RGS22: variants seen among roughly 807,000 people sequenced by gnomAD.
RGS22 encodes regulator of G-protein signaling 22.
Under a neutral mutation model 172.9 loss-of-function variants are expected in RGS22, and 148 were observed. The ratio of observed to expected loss-of-function variants is 0.86; its 90% CI spans 0.75 to 0.98. The LOEUF (loss-of-function observed/expected upper bound fraction) is 0.98. Ranked by LOEUF, RGS22 falls within the 50% of genes least tolerant of loss-of-function variation. The pLI is 0.00. For missense variants in RGS22, 1,347 were observed against 1,440.8 expected (o/e 0.93, Z 1.05); for synonymous variants, 458 against 480.2 (o/e 0.95, Z 0.60).
At chr8:99,989,163 C>T (rs758987069) in intron 20 of RGS22, among the ~76,000 whole-genome samples, 2 of 152,070 alleles carry the variant, frequency 1.3e-5, no homozygotes, top group African/African-American at 4.8e-5. Flanking sequence ...TTAACAGTTA[C>T]ATACATTCCT....
intron 2 of RGS22, among the ~76,000 whole-genome samples, chr8:100,100,963 C>G (rs1345835855): frequency 6.6e-6 from 1 of 151,994 alleles, no homozygotes; most frequent in South Asian, 2.1e-4. Flanking sequence ...ATCAGAAAAC[C>G]TTCAACAAAA....
At chr8:100,062,486 G>T in intron 9 of RGS22, 105 bp downstream of exon 9, 1 of 722,756 alleles carries the variant, frequency 1.4e-6, no homozygotes, top group South Asian at 1.9e-5. Context: ...CAATAGTCTT[G>T]TCATTTTATG....
In RGS22 at chr8:99,965,362, G is replaced by A. The variant is rs1328981525; in HGVS notation, c.3588C>T (p.Phe1196=). ...AIKTALLSDS[F]LGLQPYGRQP... is the part of the protein sequence containing the mutation. ...GTCGGCCATATGGTTGGAGGCCTAG[G>A]AAGGAATCACTGAGTAAAGCAGTTT... Residue 1196 remains phenylalanine (F), a synonymous_variant, in exon 24 of 28, where the codon TTC becomes TTT. Transcript: ENST00000360863. 6.2e-7 allele frequency: 1 copy of A among 1,613,650 alleles called. No homozygotes were observed. The highest frequency in any genetic ancestry group is 1.1e-5 in the South Asian group (1 of 91,040).
intron 9 of RGS22, among the ~76,000 whole-genome samples, chr8:100,057,192 A>G (rs907682462): frequency 2.0e-5 from 3 of 152,124 alleles, no homozygotes; most frequent in African/African-American, 7.2e-5. Context: ...ATTTTTCCCA[A>G]TTAGAGTGGG....
At chr8:100,070,441 G>T (rs1442535799) in intron 6 of RGS22, among the ~76,000 whole-genome samples, 5 of 152,170 alleles carry the variant, frequency 3.3e-5, no homozygotes, top group Non-Finnish European at 1.5e-5. Context: ...TGACCAATAT[G>T]AAGGGTCAAG....
rs866843991 is a variant in RGS22 at position 99,961,043 on chromosome 8, G to A, written c.*199C>T. The A allele has an allele frequency of 8.5e-6, 3 of 354,604 alleles. No homozygotes were observed. Among genetic ancestry groups the A allele is most frequent in the South Asian group, 2.3e-5 (1 of 42,576 alleles). The allele number at this position is 354,604 out of a possible 1,614,324, so 22.0% of individuals were successfully genotyped here. Reference sequence around the variant, plus strand: ...AGAATAGCTATAATTTTAAAACTGCGAGAGTAAGACAAGCCAAATTTTCTT... The same window carrying A: ...AGAATAGCTATAATTTTAAAACTGCAAGAGTAAGACAAGCCAAATTTTCTT... On this transcript the variant is annotated 3_prime_UTR_variant, in exon 28 of 28. Coordinates refer to ENST00000360863, the MANE Select transcript of RGS22 (RefSeq NM_015668.5).
chr8:100,047,697 T>C, intron 10 of RGS22, 101 bp from the exon 11 acceptor site: 1 of 1,106,696 alleles, frequency 9.0e-7, no homozygotes, highest in East Asian at 2.8e-5. Context: ...TACTTTTTCT[T>C]TCCCTTTGCC....
In RGS22 at chr8:100,052,968, C is replaced by A; in HGVS notation, c.1523G>T (p.Arg508Ile). 6.2e-7 allele frequency: 1 copy of A among 1,613,472 alleles called. No individual in the cohort carries two copies. The highest frequency in any genetic ancestry group is 2.2e-5 in the East Asian group (1 of 44,842). ...TGAGGCTGAATGAGTAACACAGAAT[C>A]TTGGTGCCCTGTTTATTGGAAAAAT... ...LKPLLLYWAP[R>I]FCVTHSASTK... The change falls in exon 10 of 28, where the codon AGA (arginine) becomes ATA (isoleucine). Residue 508 changes from arginine to isoleucine, a missense_variant. Coordinates refer to ENST00000360863, the MANE Select transcript of RGS22 (RefSeq NM_015668.5).
intron 14 of RGS22, among the ~76,000 whole-genome samples, chr8:100,016,160 A>C (rs1359044427): frequency 6.6e-6 from 1 of 152,248 alleles, no homozygotes; most frequent in Admixed American, 6.5e-5. Context: ...TTAGGTGATA[A>C]GAAACAGACA....
intron 14 of RGS22, among the ~76,000 whole-genome samples, chr8:100,020,400 A>T (rs1159438760): frequency 2.0e-5 from 3 of 152,236 alleles, no homozygotes; most frequent in African/African-American, 7.2e-5. Context: ...AGTTCACAGT[A>T]AACTGTGCAG....
intron 17 of RGS22, among the ~76,000 whole-genome samples, chr8:100,003,513 G>A (rs1815343763): frequency 6.6e-6 from 1 of 151,622 alleles, no homozygotes; most frequent in African/African-American, 2.4e-5. Flanking sequence ...AAACTACAAT[G>A]TTTCGTTTAT....
chr8:100,094,422 C>T (rs548147581), intron 2 of RGS22, among the ~76,000 whole-genome samples: 1 of 152,160 alleles, frequency 6.6e-6, no homozygotes, highest in Non-Finnish European at 1.5e-5. Context: ...GTATATAGTG[C>T]TATCAGGAAG....
intron 19 of RGS22, 82 bp downstream of exon 19, chr8:99,999,180 T>G: frequency 8.5e-7 from 1 of 1,178,948 alleles, no homozygotes; most frequent in Non-Finnish European, 1.2e-6. Flanking sequence ...AAAAGGACAA[T>G]GGCTGGGTCA....
intron 18 of RGS22, among the ~76,000 whole-genome samples, chr8:100,001,104 A>T (rs1408870575): frequency 2.0e-5 from 3 of 150,872 alleles, no homozygotes; most frequent in Non-Finnish European, 4.4e-5. Context: ...AAGCTAAATA[A>T]ATTATGATAA....
intron 7 of RGS22, among the ~76,000 whole-genome samples, chr8:100,065,027 G>A (rs773145348): frequency 1.1e-4 from 17 of 152,140 alleles, no homozygotes; most frequent in Non-Finnish European, 2.4e-4. Context: ...CATGTCTGAC[G>A]TTAGTGCTTT....
intron 18 of RGS22, among the ~76,000 whole-genome samples, chr8:99,999,727 A>G (rs1478747611): frequency 6.6e-6 from 1 of 152,140 alleles, no homozygotes; most frequent in Non-Finnish European, 1.5e-5. Flanking sequence ...CCCTCCATGG[A>G]CTCAGTATCT....
chr8:99,975,060 C>A (rs1811787493), intron 23 of RGS22, among the ~76,000 whole-genome samples: 1 of 151,772 alleles, frequency 6.6e-6, no homozygotes, highest in South Asian at 2.1e-4. Flanking sequence ...GCAGAAGAAT[C>A]GCTTGATCAT....
Position 100,052,695 on chromosome 8 carries a change from A to T in RGS22, c.1689+107T>A, listed in dbSNP as rs1049345652. 112 of 1,095,536 alleles carry T rather than the reference A, an allele frequency of 1.0e-4. No individual in the cohort carries two copies. In the East Asian group the frequency reaches 2.7e-3, roughly 26 times the overall value. The allele number at this position is 1,095,536 out of a possible 1,614,324, so 67.9% of individuals were successfully genotyped here. A position where few individuals can be genotyped will look rare whatever the true frequency, so the allele number is the denominator to read the frequency against. ...TAAATGTTGCAGCTTGTACATTAGCAAAAATCACAACAAAGCTTGTAATGA... is the reference window on the plus strand; with the variant it reads ...TAAATGTTGCAGCTTGTACATTAGCTAAAATCACAACAAAGCTTGTAATGA... On this transcript the variant is annotated intron_variant, in intron 10 of 27. Transcript: ENST00000360863.
chr8:100,038,984 G>C lies in RGS22; in HGVS notation c.2113C>G (p.Gln705Glu), dbSNP rs1341978309. 2.5e-6 allele frequency: 4 copies of C among 1,612,988 alleles called. No homozygotes were observed. The highest frequency in any genetic ancestry group is 3.3e-5 in the Admixed American group (2 of 59,930). The stretch of plus-strand genomic sequence containing the variant: ...TGAAGTGTTTCTTGGTAGAAAAGCT[G>C]ATGATAAGCCTGCAGGTCAAACCAA... ...YFWFDLQAYHQLFYQETLQPF... is the reference protein window; with the variant it reads ...YFWFDLQAYHELFYQETLQPF... The change falls in exon 14 of 28, where the codon CAG becomes GAG. Residue 705 changes from glutamine to glutamate, a missense_variant. Physicochemically the swap from Gln to Glu is conservative, Grantham distance 29. Coordinates refer to ENST00000360863, the MANE Select transcript of RGS22 (RefSeq NM_015668.5).
Sources: gnomAD v4.1 joint callset for allele counts (sites outside exome capture counted in the v4.1 genomes callset) on GRCh38, gnomAD v4.1.1 for gene constraint, MANE v1.5 for transcripts, NCBI Gene and HGNC (gene_info 2026-07-23, HGNC 2026-07-21) for gene names.